MYOM2: variants seen among roughly 807,000 people sequenced by gnomAD.
The protein encoded by MYOM2 is myomesin 2.
MYOM2 carries 254 observed loss-of-function variants against 187.6 expected under a neutral mutation model. The observed-to-expected ratio is 1.35, with a 90% confidence interval of 1.22 to 1.50. The LOEUF (loss-of-function observed/expected upper bound fraction) is 1.50. Among genes scored for constraint, MYOM2 ranks in the 40% most tolerant of loss-of-function variants. The pLI, the probability that MYOM2 is intolerant of heterozygous loss-of-function variation, is 0.00. For missense variants in MYOM2, 2,796 were observed against 1,924.0 expected (o/e 1.45, Z -8.48); for synonymous variants, 981 against 753.8 (o/e 1.30, Z -4.94).
chr8:2,063,150 A>G (rs1268961666), intron 6 of MYOM2, among the ~76,000 whole-genome samples: 1 of 152,230 alleles, frequency 6.6e-6, no homozygotes, highest in African/African-American at 2.4e-5. Context: ...TGAAATGTTA[A>G]TATTCTTCGG....
chr8:2,127,601 GCCGCAGGCAGGCAGTACC>G, intron 31 of MYOM2: 1 of 165,496 alleles, frequency 6.0e-6, no homozygotes, highest in Non-Finnish European at 1.3e-5. Flanking sequence ...CGGTGACGCA[GCCGCAGGCAGGCAGTACC>G]TCGGCGTGAC....
intron 30 of MYOM2, among the ~76,000 whole-genome samples, chr8:2,123,885 C>A (rs1177984132): frequency 6.6e-6 from 1 of 152,148 alleles, no homozygotes; most frequent in Non-Finnish European, 1.5e-5. Flanking sequence ...TCATCAGAAG[C>A]CAAGCAACGC....
chr8:2,051,204 G>C (rs1184435567), intron 2 of MYOM2, among the ~76,000 whole-genome samples: 1 of 152,180 alleles, frequency 6.6e-6, no homozygotes, highest in African/African-American at 2.4e-5. Flanking sequence ...AAAGCAATGA[G>C]ATTGAAACTG....
At position 2,067,919 on chromosome 8, in the gene MYOM2, C is replaced by G. The variant is rs77845034; in HGVS notation, c.654-1359C>G. ...TTAGCATGGGAATCCTACTGGGGAGCTGGGTAGGGTTGTAGAATCTGCTTT... is the reference window on the plus strand; with the variant it reads ...TTAGCATGGGAATCCTACTGGGGAGGTGGGTAGGGTTGTAGAATCTGCTTT... On this transcript the variant is annotated intron_variant, in intron 6 of 36. Coordinates refer to ENST00000262113, the MANE Select transcript of MYOM2 (RefSeq NM_003970.4). Among the ~76,000 whole-genome samples, 568 of 152,168 alleles carry G rather than the reference C, an allele frequency of 3.7e-3. 6 individuals carry two copies. Among genetic ancestry groups the G allele is most frequent in the African/African-American group, 0.012 (514 of 41,512 alleles).
At chr8:2,060,606 G>T (rs1818820202) in intron 6 of MYOM2, among the ~76,000 whole-genome samples, 1 of 152,212 alleles carries the variant, frequency 6.6e-6, no homozygotes, top group South Asian at 2.1e-4. Context: ...TCATTGTTAG[G>T]CCTCTGTTCT....
In MYOM2 at chr8:2,142,389, C is replaced by A; in HGVS notation, c.4016C>A (p.Ala1339Glu). The change falls in exon 35 of 37, where the codon GCA becomes GAA. Residue 1339 changes from alanine (A) to glutamate (E), a missense_variant. Transcript: ENST00000262113. ...EFQQFKAAAF[A>E]EKNRGRLIGG... is the part of the protein sequence containing the mutation. Reference sequence around the variant, plus strand: ...TTAACTTTTAGAGCTGCTGCTTTTGCAGAGAAGAGTAAGTACCTGTTGGAT... The same window carrying A: ...TTAACTTTTAGAGCTGCTGCTTTTGAAGAGAAGAGTAAGTACCTGTTGGAT... 6.2e-7 allele frequency: 1 copy of A among 1,613,758 alleles called. No homozygotes were observed. The highest frequency in any genetic ancestry group is 8.5e-7 in the Non-Finnish European group (1 of 1,179,630).
In MYOM2 at chr8:2,073,355, G is replaced by C. The variant is rs769276298; in HGVS notation, c.975G>C (p.Glu325Asp). ...EWYRDDVLLK[E>D]SKWTKMFFGE... is the part of the protein sequence containing the mutation. ...CTCTTTCAGACGTGCTGTTGAAAGA[G>C]TCCAAGTGGACGAAGATGTTCTTTG... is the stretch of plus-strand genomic sequence containing the variant. The change falls in exon 10 of 37, where the codon GAG becomes GAC. Residue 325 changes from glutamate to aspartate, a missense_variant. By Grantham distance (45) the Glu-to-Asp change is conservative. Coordinates refer to ENST00000262113, the MANE Select transcript of MYOM2 (RefSeq NM_003970.4). The C allele has an allele frequency of 6.2e-7, 1 of 1,611,384 alleles. No individual in the cohort carries two copies. The highest frequency in any genetic ancestry group is 1.1e-5 in the South Asian group (1 of 90,758).
chr8:2,080,299 A>G (rs1247126992), intron 13 of MYOM2, among the ~76,000 whole-genome samples: 1 of 152,246 alleles, frequency 6.6e-6, no homozygotes, highest in Non-Finnish European at 1.5e-5. Context: ...CTAAAATCAC[A>G]GCCGTGTTCT....
chr8:2,129,938 G>A (rs747966217), intron 32 of MYOM2, among the ~76,000 whole-genome samples: 5 of 152,190 alleles, frequency 3.3e-5, no homozygotes, highest in Non-Finnish European at 7.3e-5. Flanking sequence ...GATAAAAGTG[G>A]ACTTCAGGTG....
At chr8:2,126,834 G>T (rs538445664) in intron 31 of MYOM2, among the ~76,000 whole-genome samples, 1 of 136,408 alleles carries the variant, frequency 7.3e-6, no homozygotes, top group Non-Finnish European at 1.6e-5. Flanking sequence ...GGGAGCACTG[G>T]GAGAGGTTGA....
At chr8:2,060,707 C>T (rs1228381565) in intron 6 of MYOM2, among the ~76,000 whole-genome samples, 1 of 151,950 alleles carries the variant, frequency 6.6e-6, no homozygotes, top group African/African-American at 2.4e-5. Context: ...CCTGCCTCCC[C>T]TCCCCAGAAG....
chr8:2,108,883 C>G, intron 24 of MYOM2, 53 bp downstream of exon 24: 1 of 1,568,692 alleles, frequency 6.4e-7, no homozygotes, highest in Non-Finnish European at 8.8e-7. Context: ...GCTGGAGGGC[C>G]GTGTTCATTA....
chr8:2,057,243 T>C, intron 3 of MYOM2, 105 bp from the exon 4 acceptor site: 1 of 1,360,124 alleles, frequency 7.4e-7, no homozygotes, highest in Non-Finnish European at 9.9e-7. Flanking sequence ...TGAACGCACT[T>C]AAGGAAACCC....
chr8:2,135,014 C>T (rs143826984), intron 32 of MYOM2, among the ~76,000 whole-genome samples: 1 of 152,206 alleles, frequency 6.6e-6, no homozygotes, highest in Non-Finnish European at 1.5e-5. Flanking sequence ...GTGTCCACTT[C>T]TGCATCTCAC....
intron 14 of MYOM2, among the ~76,000 whole-genome samples, chr8:2,088,812 G>A (rs1363212672): frequency 1.3e-5 from 2 of 152,214 alleles, no homozygotes. Context: ...TGGTAGTTCT[G>A]CTTTAAGTTC....
chr8:2,143,233 T>G, intron 35 of MYOM2, 168 bp from the exon 36 acceptor site: 1 of 760,854 alleles, frequency 1.3e-6, no homozygotes, highest in Non-Finnish European at 2.2e-6. Flanking sequence ...TTGGCTTTGG[T>G]TTATCCCTCA....
At position 2,085,373 on chromosome 8, in the gene MYOM2, A is replaced by C. The variant is rs377334790; in HGVS notation, c.1627A>C (p.Met543Leu). 6.2e-7 allele frequency: 1 copy of C among 1,612,350 alleles called. No homozygotes were observed. The highest frequency in any genetic ancestry group is 8.5e-7 in the Non-Finnish European group (1 of 1,179,528). ...PPTPRGKDPL[M>L]YFIEKSVVGS... is the part of the protein sequence containing the mutation. ...CACTCCCCGTGGCAAGGACCCGCTC[A>C]TGTACTTCATTGAGAAGGTAAACTC... The change falls in exon 14 of 37, where the codon ATG becomes CTG. Residue 543 changes from methionine to leucine, a missense_variant. Coordinates refer to ENST00000262113, the MANE Select transcript of MYOM2 (RefSeq NM_003970.4).
chr8:2,109,993 T>C (rs1052134205), intron 25 of MYOM2, among the ~76,000 whole-genome samples: 2 of 152,164 alleles, frequency 1.3e-5, no homozygotes, highest in Non-Finnish European at 2.9e-5. Context: ...GCAGCAATCT[T>C]GGTGTGGCAG....
At chr8:2,127,355 C>T (rs555857680) in intron 31 of MYOM2, among the ~76,000 whole-genome samples, 1 of 152,246 alleles carries the variant, frequency 6.6e-6, no homozygotes, top group South Asian at 2.1e-4. Context: ...ATGCAGGGAC[C>T]CTCCAAGTCC....
Sources: gnomAD v4.1 joint callset for allele counts (sites outside exome capture counted in the v4.1 genomes callset) on GRCh38, gnomAD v4.1.1 for gene constraint, MANE v1.5 for transcripts, NCBI Gene and HGNC (gene_info 2026-07-23, HGNC 2026-07-21) for gene names.